Variants in KLHL1 observed in about 807,000 individuals in gnomAD.
KLHL1 encodes kelch like family member 1, also known as kelch-like protein 1.
A neutral mutation model predicts 77.7 loss-of-function variants in KLHL1; 47 were observed. The ratio of observed to expected loss-of-function variants is 0.60; its 90% confidence interval spans 0.48 to 0.77. KLHL1 has a LOEUF of 0.77. KLHL1 is among the 30% of genes least tolerant of loss of function. The pLI, the probability that KLHL1 is intolerant of heterozygous loss-of-function variation, is 0.00. For missense variants in KLHL1, 925 were observed against 910.8 expected (o/e 1.02, Z -0.20); for synonymous variants, 360 against 325.2 (o/e 1.11, Z -1.15).
intron 7 of KLHL1, among the ~76,000 whole-genome samples, chr13:69,742,277 A>G (rs926876739): frequency 1.3e-5 from 2 of 152,178 alleles, no homozygotes; most frequent in Non-Finnish European, 2.9e-5. Context: ...GCATGACTGC[A>G]TTTTATTTTG....
intron 4 of KLHL1, among the ~76,000 whole-genome samples, chr13:69,895,558 C>A (rs1160129967): frequency 2.0e-5 from 3 of 152,102 alleles, no homozygotes; most frequent in Admixed American, 6.6e-5. Flanking sequence ...TAAAAAATAC[C>A]TATTGATTAT....
chr13:69,809,885 A>C (rs1652290581), intron 6 of KLHL1, among the ~76,000 whole-genome samples: 1 of 152,122 alleles, frequency 6.6e-6, no homozygotes, highest in African/African-American at 2.4e-5. Context: ...GAAAAAAAAA[A>C]AGCAGGATCA....
chr13:69,934,374 T>G (rs1367515974), intron 4 of KLHL1, among the ~76,000 whole-genome samples: 2 of 152,068 alleles, frequency 1.3e-5, no homozygotes, highest in East Asian at 3.9e-4. Flanking sequence ...TTTGTAAAAT[T>G]TACCTATATG....
chr13:69,740,728 A>G (rs1873955183), intron 7 of KLHL1, among the ~76,000 whole-genome samples, 172 bp from the exon 8 acceptor site: 1 of 152,240 alleles, frequency 6.6e-6, no homozygotes, highest in African/African-American at 2.4e-5. Flanking sequence ...TCAAAGCAAC[A>G]GTACAAAACT....
At chr13:69,783,089 A>ATTCCAACAGACCTGCAGC (rs1393109333) in intron 7 of KLHL1, among the ~76,000 whole-genome samples, 1 of 152,184 alleles carries the variant, frequency 6.6e-6, no homozygotes, top group Non-Finnish European at 1.5e-5. Flanking sequence ...CCTCTAGCAA[A>ATTCCAACAGACCTGCAGC]TTCCAACAGA....
At chr13:70,035,249 A>G (rs1244110213) in intron 1 of KLHL1, among the ~76,000 whole-genome samples, 1 of 152,154 alleles carries the variant, frequency 6.6e-6, no homozygotes, top group Non-Finnish European at 1.5e-5. Flanking sequence ...AGTACTATTC[A>G]GCCATAAAAA....
intron 6 of KLHL1, among the ~76,000 whole-genome samples, chr13:69,813,379 C>A (rs958962711): frequency 6.6e-6 from 1 of 151,442 alleles, no homozygotes; most frequent in African/African-American, 2.4e-5. Context: ...ATGTAAATAA[C>A]GAGTTAATGG....
chr13:69,787,184 A>G (rs955128751), intron 7 of KLHL1, among the ~76,000 whole-genome samples: 1 of 152,204 alleles, frequency 6.6e-6, no homozygotes, highest in African/African-American at 2.4e-5. Context: ...GGAACCAAAA[A>G]AGAGCCCTCA....
intron 1 of KLHL1, among the ~76,000 whole-genome samples, chr13:69,988,334 T>A (rs1197743444): frequency 6.6e-6 from 1 of 152,196 alleles, no homozygotes; most frequent in African/African-American, 2.4e-5. Flanking sequence ...ATGGTGTATA[T>A]GTACCACATT....
intron 8 of KLHL1, among the ~76,000 whole-genome samples, chr13:69,726,365 T>G (rs1452375412): frequency 1.3e-5 from 2 of 152,152 alleles, no homozygotes; most frequent in Admixed American, 1.3e-4. Flanking sequence ...CTCTTTCATC[T>G]GATGCCATGA....
intron 1 of KLHL1, among the ~76,000 whole-genome samples, chr13:70,074,562 C>A (rs1299854939): frequency 2.6e-5 from 4 of 151,974 alleles, no homozygotes; most frequent in African/African-American, 9.7e-5. Context: ...AAAAAGAGAT[C>A]CTTCATCAAA....
At chr13:69,808,545 AC>A (rs1430983303) in intron 6 of KLHL1, among the ~76,000 whole-genome samples, 1 of 131,782 alleles carries the variant, frequency 7.6e-6, no homozygotes, top group African/African-American at 2.9e-5. Context: ...GGTAAAAAAA[AC>A]AGAATAAAAA....
intron 4 of KLHL1, among the ~76,000 whole-genome samples, chr13:69,895,846 A>G (rs1881617985): frequency 6.6e-6 from 1 of 151,778 alleles, no homozygotes; most frequent in Non-Finnish European, 1.5e-5. Flanking sequence ...AGGTGAGACT[A>G]CATGTGTGCA....
intron 4 of KLHL1, 70 bp from the exon 5 acceptor site, chr13:69,882,565 GAAGAA>G: frequency 9.7e-7 from 1 of 1,029,538 alleles, no homozygotes; most frequent in South Asian, 1.4e-5. Flanking sequence ...ATTTCAGAAA[GAAGAA>G]AAGTAGTCAA....
chr13:70,046,757 G>A (rs956508682), intron 1 of KLHL1, among the ~76,000 whole-genome samples: 6 of 151,926 alleles, frequency 3.9e-5, no homozygotes, highest in South Asian at 2.1e-4. Flanking sequence ...CAAGTGATCC[G>A]CCCGCCTCGG....
chr13:69,755,825 T>C (rs982725673), intron 7 of KLHL1, among the ~76,000 whole-genome samples: 4 of 152,152 alleles, frequency 2.6e-5, no homozygotes, highest in Admixed American at 1.3e-4. Flanking sequence ...TTATAGTAAA[T>C]AAAATGAAAC....
intron 7 of KLHL1, among the ~76,000 whole-genome samples, chr13:69,776,897 T>C (rs1281678307): frequency 4.6e-5 from 7 of 152,092 alleles, no homozygotes; most frequent in Admixed American, 4.6e-4. Context: ...AAATCAAATC[T>C]CAAAGCTTTT....
At chr13:69,720,325 C>T (rs1405313942) in intron 8 of KLHL1, among the ~76,000 whole-genome samples, 1 of 152,066 alleles carries the variant, frequency 6.6e-6, no homozygotes, top group African/African-American at 2.4e-5. Flanking sequence ...CCCATTTAAT[C>T]ATAGTCATGA....
At chr13:69,840,661 C>T (rs1228039415) in intron 5 of KLHL1, among the ~76,000 whole-genome samples, 7 of 150,770 alleles carry the variant, frequency 4.6e-5, no homozygotes, top group African/African-American at 7.3e-5. Flanking sequence ...CCTTTCTACG[C>T]ACTTTTATTT....
Sources: gnomAD v4.1 joint callset for allele counts (sites outside exome capture counted in the v4.1 genomes callset) on GRCh38, gnomAD v4.1.1 for gene constraint, MANE v1.5 for transcripts, NCBI Gene and HGNC (gene_info 2026-07-23, HGNC 2026-07-21) for gene names.